The following PLCB1 variants were observed in gnomAD, a reference collection of about 807,000 sequenced individuals.
PLCB1 encodes the protein phospholipase C beta 1.
In PLCB1, 46 loss-of-function variants were observed where a neutral mutation model predicts 161.8. That is an observed-to-expected ratio of 0.28 (90% CI 0.22 to 0.36). The LOEUF (loss-of-function observed/expected upper bound fraction) is 0.36, where lower values mean the gene tolerates loss of function less well. Ranked by LOEUF, PLCB1 falls within the 10% of genes least tolerant of loss-of-function variation. The probability of loss-of-function intolerance (pLI) is 1.00; values close to 1 mark genes in which losing one functional copy is unlikely to be tolerated. For missense variants in PLCB1, 1,016 were observed against 1,472.5 expected (o/e 0.69, Z 5.07); for synonymous variants, 517 against 503.7 (o/e 1.03, Z -0.35).
chr20:8,146,099 T>G (rs896402000), intron 1 of PLCB1, among the ~76,000 whole-genome samples: 2 of 102,548 alleles, frequency 2.0e-5, no homozygotes, highest in Non-Finnish European at 3.7e-5. Flanking sequence ...TGTTTTTGTT[T>G]TTTTTGTTTT....
At chr20:8,708,551 G>C (rs1978818673) in intron 11 of PLCB1, 119 bp from the exon 12 acceptor site, 1 of 649,744 alleles carries the variant, frequency 1.5e-6, no homozygotes, top group Non-Finnish European at 2.7e-6. Context: ...GCCATTTCAG[G>C]CCATTCGATA....
chr20:8,848,346 T>C (rs1986764391), intron 31 of PLCB1, among the ~76,000 whole-genome samples: 1 of 152,162 alleles, frequency 6.6e-6, no homozygotes, highest in Non-Finnish European at 1.5e-5. Context: ...ACTCAATCTT[T>C]AGCTCTCCCA....
chr20:8,628,384 A>T lies in PLCB1; in HGVS notation c.337A>T (p.Asn113Tyr). The T allele has an allele frequency of 1.9e-6, 3 of 1,614,100 alleles. No individual in the cohort carries two copies. The highest frequency in any genetic ancestry group is 1.7e-6 in the Non-Finnish European group (2 of 1,180,012). The change falls in exon 4 of 32, where the codon AAC (asparagine) becomes TAC (tyrosine). Residue 113 changes from asparagine to tyrosine, a missense_variant. Transcript: ENST00000338037. ...AGTGGTGTATGGGCCTGACCTCGTG[A>T]ACATCTCCCATTTGAATCTCGTGGC... ...ITVVYGPDLV[N>Y]ISHLNLVAFQ...
At chr20:8,305,206 T>C (rs1273810937) in intron 2 of PLCB1, among the ~76,000 whole-genome samples, 3 of 152,220 alleles carry the variant, frequency 2.0e-5, no homozygotes, top group African/African-American at 7.2e-5. Flanking sequence ...CTAGAACTAT[T>C]TATTGTCTAT....
At chr20:8,308,618 C>CAAA (rs71183088) in intron 2 of PLCB1, among the ~76,000 whole-genome samples, 12 of 73,598 alleles carry the variant, frequency 1.6e-4, no homozygotes, top group Admixed American at 3.4e-4. Flanking sequence ...TTCCGTATAT[C>CAAA]AAAAAAAAAA....
chr20:8,781,647 C>A (rs1289657915), intron 27 of PLCB1, among the ~76,000 whole-genome samples: 1 of 152,084 alleles, frequency 6.6e-6, no homozygotes, highest in Non-Finnish European at 1.5e-5. Context: ...AAGACATAGC[C>A]AAGACTGGGC....
At chr20:8,155,084 G>A (rs2051545868) in intron 2 of PLCB1, among the ~76,000 whole-genome samples, 1 of 152,150 alleles carries the variant, frequency 6.6e-6, no homozygotes, top group Admixed American at 6.5e-5. Context: ...TCGTAGAGCT[G>A]ACATTTCACT....
intron 2 of PLCB1, among the ~76,000 whole-genome samples, chr20:8,226,563 T>A (rs1259991744): frequency 6.6e-6 from 1 of 152,164 alleles, no homozygotes; most frequent in Non-Finnish European, 1.5e-5. Context: ...TATAACCTCC[T>A]ACTTCCTTCT....
chr20:8,770,894 C>T (rs953090852), intron 26 of PLCB1, among the ~76,000 whole-genome samples: 1 of 152,146 alleles, frequency 6.6e-6, no homozygotes, highest in Non-Finnish European at 1.5e-5. Flanking sequence ...ATTTATTTTC[C>T]TTTCACTGTA....
At chr20:8,202,631 T>C (rs891984715) in intron 2 of PLCB1, among the ~76,000 whole-genome samples, 1 of 152,180 alleles carries the variant, frequency 6.6e-6, no homozygotes, top group African/African-American at 2.4e-5. Flanking sequence ...TTTGCTTGCT[T>C]GTTTATTTAA....
chr20:8,226,600 T>C (rs1979697726), intron 2 of PLCB1, among the ~76,000 whole-genome samples: 2 of 152,192 alleles, frequency 1.3e-5, no homozygotes, highest in South Asian at 4.1e-4. Context: ...TCTTCCAGAA[T>C]TGACGCAATG....
chr20:8,687,853 T>G (rs1402822978), intron 10 of PLCB1, among the ~76,000 whole-genome samples: 1 of 152,214 alleles, frequency 6.6e-6, no homozygotes. Flanking sequence ...AGATACCCAT[T>G]AGTGGGACGG....
chr20:8,867,367 T>C (rs1987463881), intron 31 of PLCB1, among the ~76,000 whole-genome samples: 1 of 152,226 alleles, frequency 6.6e-6, no homozygotes, highest in African/African-American at 2.4e-5. Context: ...GATGGTTGCT[T>C]GCACCGTCTG....
chr20:8,427,167 TC>T (rs1287475439), intron 3 of PLCB1, among the ~76,000 whole-genome samples: 3 of 152,072 alleles, frequency 2.0e-5, no homozygotes, highest in African/African-American at 7.2e-5. Context: ...CGTCTCAGCC[TC>T]CCAAAGTGCT....
intron 4 of PLCB1, among the ~76,000 whole-genome samples, chr20:8,639,121 T>C (rs1301550320): frequency 6.6e-6 from 1 of 152,130 alleles, no homozygotes; most frequent in African/African-American, 2.4e-5. Flanking sequence ...TTTGAAGATA[T>C]GTTGCAAAGG....
At chr20:8,428,435 G>T (rs1384719433) in intron 3 of PLCB1, among the ~76,000 whole-genome samples, 1 of 152,174 alleles carries the variant, frequency 6.6e-6, no homozygotes, top group Non-Finnish European at 1.5e-5. Context: ...TGGCCAGGCT[G>T]GTCTCCAACT....
At chr20:8,261,085 A>T (rs1981667427) in intron 2 of PLCB1, among the ~76,000 whole-genome samples, 1 of 152,112 alleles carries the variant, frequency 6.6e-6, no homozygotes. Context: ...ATCTGAAACA[A>T]CATGTTTGTC....
At chr20:8,854,246 G>A (rs1986987957) in intron 31 of PLCB1, among the ~76,000 whole-genome samples, 1 of 152,120 alleles carries the variant, frequency 6.6e-6, no homozygotes, top group Admixed American at 6.6e-5. Context: ...ACTAGATCAG[G>A]CAGACAGATC....
At chr20:8,442,845 G>A (rs1276106161) in intron 3 of PLCB1, among the ~76,000 whole-genome samples, 1 of 152,112 alleles carries the variant, frequency 6.6e-6, no homozygotes, top group African/African-American at 2.4e-5. Context: ...ATGATGGAAT[G>A]GCTACCAAGT....
Sources: allele counts gnomAD v4.1 joint callset (sites outside exome capture counted in the v4.1 genomes callset), GRCh38; gene constraint gnomAD v4.1.1; transcripts MANE v1.5; gene names NCBI Gene and HGNC (gene_info 2026-07-23, HGNC 2026-07-21).